Variants in MSRB3 observed in about 807,000 individuals in gnomAD.
MSRB3 encodes methionine sulfoxide reductase B3.
A neutral mutation model predicts 21.0 loss-of-function variants in MSRB3; 13 were observed. The observed-to-expected ratio is 0.62, with a 90% CI of 0.40 to 0.98. The LOEUF (loss-of-function observed/expected upper bound fraction) is 0.98, where lower values mean the gene tolerates loss of function less well. MSRB3 is among the 50% of genes least tolerant of loss of function. The pLI, the probability that MSRB3 is intolerant of heterozygous loss-of-function variation, is 0.00. For synonymous variants in MSRB3, 87 were observed against 88.6 expected (o/e 0.98, Z 0.10); for missense variants, 199 against 230.3 (o/e 0.86, Z 0.88).
intron 5 of MSRB3, among the ~76,000 whole-genome samples, chr12:65,387,048 G>GTAT (rs1432742427): frequency 2.6e-5 from 4 of 151,952 alleles, no homozygotes; most frequent in Admixed American, 1.3e-4. Context: ...TAAGGCTATT[G>GTAT]TAGAGCTAAT....
At chr12:65,461,388 G>A (rs1415127736) in intron 6 of MSRB3, among the ~76,000 whole-genome samples, 4 of 152,168 alleles carry the variant, frequency 2.6e-5, no homozygotes, top group Non-Finnish European at 4.4e-5. Flanking sequence ...AACCTGCATC[G>A]AATGTGGTAA....
At chr12:65,396,732 G>GA (rs1303853462) in intron 5 of MSRB3, among the ~76,000 whole-genome samples, 1 of 149,314 alleles carries the variant, frequency 6.7e-6, no homozygotes, top group African/African-American at 2.5e-5. Flanking sequence ...AAGAAAGAAA[G>GA]AAAGAAAGAA....
chr12:65,349,458 G>A (rs1004555482), intron 4 of MSRB3, among the ~76,000 whole-genome samples: 6 of 151,490 alleles, frequency 4.0e-5, no homozygotes, highest in Non-Finnish European at 7.4e-5. Context: ...GGTATTTCTA[G>A]TTCTAGATCC....
At chr12:65,362,053 A>G (rs940196934) in intron 4 of MSRB3, among the ~76,000 whole-genome samples, 1 of 152,224 alleles carries the variant, frequency 6.6e-6, no homozygotes, top group Non-Finnish European at 1.5e-5. Context: ...ATGTTGGGTT[A>G]AAAGGATAGA....
At chr12:65,403,074 C>T (rs1185190032) in intron 5 of MSRB3, among the ~76,000 whole-genome samples, 1 of 152,208 alleles carries the variant, frequency 6.6e-6, no homozygotes, top group African/African-American at 2.4e-5. Flanking sequence ...AGTCAGGAGG[C>T]ACAGAGTTCA....
chr12:65,332,384 A>G (rs186717378), intron 4 of MSRB3, among the ~76,000 whole-genome samples: 3 of 152,218 alleles, frequency 2.0e-5, no homozygotes, highest in Admixed American at 2.0e-4. Flanking sequence ...CAGATTAACT[A>G]GAGGAACCGT....
At chr12:65,358,051 T>G (rs1418364480) in intron 4 of MSRB3, among the ~76,000 whole-genome samples, 2 of 151,974 alleles carry the variant, frequency 1.3e-5, no homozygotes, top group Non-Finnish European at 2.9e-5. Flanking sequence ...TATCTCTACA[T>G]AAATTATTTG....
At chr12:65,280,542 A>G (rs1871951265) in intron 1 of MSRB3, among the ~76,000 whole-genome samples, 1 of 152,266 alleles carries the variant, frequency 6.6e-6, no homozygotes, top group South Asian at 2.1e-4. Flanking sequence ...TTGAACATCA[A>G]GTTTATATTT....
At chr12:65,432,343 C>G (rs1014992664) in intron 5 of MSRB3, among the ~76,000 whole-genome samples, 2 of 151,864 alleles carry the variant, frequency 1.3e-5, no homozygotes, top group Non-Finnish European at 2.9e-5. Flanking sequence ...AGAAAAGAAC[C>G]AGATTCTGGC....
At chr12:65,418,588 C>A in intron 5 of MSRB3, 1 of 559,140 alleles carries the variant, frequency 1.8e-6, no homozygotes, top group Non-Finnish European at 3.2e-6. Context: ...GGAGCTTTTC[C>A]CTGTTTTGTT....
At chr12:65,317,245 G>A (rs1416478038) in intron 2 of MSRB3, among the ~76,000 whole-genome samples, 1 of 152,112 alleles carries the variant, frequency 6.6e-6, no homozygotes. Context: ...TCATGAAATT[G>A]AGAAACCCTA....
intron 5 of MSRB3, among the ~76,000 whole-genome samples, chr12:65,444,199 T>G (rs1168452965): frequency 6.6e-6 from 1 of 152,142 alleles, no homozygotes; most frequent in Non-Finnish European, 1.5e-5. Flanking sequence ...ATGTTTGACC[T>G]GGGAACCTGA....
intron 5 of MSRB3, among the ~76,000 whole-genome samples, chr12:65,374,247 T>C (rs1335498344): frequency 2.6e-5 from 4 of 152,196 alleles, no homozygotes; most frequent in African/African-American, 9.6e-5. Context: ...TATAAGAATA[T>C]TGAAATCTGC....
At chr12:65,411,153 CTT>C (rs553137674) in intron 5 of MSRB3, among the ~76,000 whole-genome samples, 170 of 152,272 alleles carry the variant, frequency 1.1e-3, no homozygotes, top group Non-Finnish European at 2.2e-3. Flanking sequence ...AACTAAGTTT[CTT>C]TTCCTACTTA....
chr12:65,395,395 G>A (rs1879723238), intron 5 of MSRB3, among the ~76,000 whole-genome samples: 2 of 152,064 alleles, frequency 1.3e-5, no homozygotes, highest in Admixed American at 1.3e-4. Context: ...GAACCTGGGA[G>A]GCGGAGGTTG....
At chr12:65,326,591 G>C (rs530992661) in intron 2 of MSRB3, among the ~76,000 whole-genome samples, 2 of 152,166 alleles carry the variant, frequency 1.3e-5, no homozygotes, top group South Asian at 2.1e-4. Context: ...ACATGCTAGA[G>C]ACTGGCTGTA....
chr12:65,461,455 A>G (rs1883327021), intron 6 of MSRB3, among the ~76,000 whole-genome samples: 1 of 152,216 alleles, frequency 6.6e-6, no homozygotes, highest in Non-Finnish European at 1.5e-5. Flanking sequence ...AATAGATCAA[A>G]TCAGTTCAGG....
At chr12:65,376,409 C>A (rs774506081) in intron 5 of MSRB3, among the ~76,000 whole-genome samples, 2 of 152,066 alleles carry the variant, frequency 1.3e-5, no homozygotes, top group South Asian at 4.1e-4. Context: ...TTTTATTTTA[C>A]CTGAATTCTG....
intron 6 of MSRB3, among the ~76,000 whole-genome samples, chr12:65,461,355 C>A (rs1031429120): frequency 3.3e-5 from 5 of 152,202 alleles, no homozygotes; most frequent in Admixed American, 6.5e-5. Flanking sequence ...AGCAGTCTGA[C>A]CTGTCAGCCT....
Sources: allele counts gnomAD v4.1 joint callset (sites outside exome capture counted in the v4.1 genomes callset), GRCh38; gene constraint gnomAD v4.1.1; transcripts MANE v1.5; gene names NCBI Gene and HGNC (gene_info 2026-07-23, HGNC 2026-07-21).